ADAMTS19: variants seen among roughly 807,000 people sequenced by gnomAD.
ADAMTS19 encodes A disintegrin and metalloproteinase with thrombospondin motifs 19.
Under a neutral mutation model 153.3 loss-of-function variants are expected in ADAMTS19, and 93 were observed. The ratio of observed to expected loss-of-function variants is 0.61; its 90% confidence interval spans 0.51 to 0.72. The LOEUF (loss-of-function observed/expected upper bound fraction) is 0.72. Among genes scored for constraint, ADAMTS19 ranks in the 30% least tolerant of loss-of-function variants. ADAMTS19 has a pLI of 0.00. For missense variants in ADAMTS19, 1,482 were observed against 1,552.1 expected (o/e 0.95, Z 0.76); for synonymous variants, 600 against 556.6 (o/e 1.08, Z -1.10).
At chr5:129,468,507 C>T (rs919064831) in intron 2 of ADAMTS19, among the ~76,000 whole-genome samples, 2 of 151,978 alleles carry the variant, frequency 1.3e-5, no homozygotes, top group African/African-American at 4.8e-5. Context: ...GCGCGCACCA[C>T]CACGCCCAGC....
Position 129,461,645 on chromosome 5 carries a change from C to A in ADAMTS19, c.635C>A (p.Ala212Glu). 1 of 1,591,946 alleles carries A rather than the reference C, an allele frequency of 6.3e-7. No homozygotes were observed. The highest frequency in any genetic ancestry group is 1.7e-5 in the Admixed American group (1 of 58,936). Residue 212 changes from alanine (A) to glutamate (E), a missense_variant, in exon 2 of 23, where the codon GCA (alanine) becomes GAA (glutamate). By Grantham distance (107) the Ala-to-Glu change is moderately radical (BLOSUM62 -1). Coordinates refer to ENST00000274487, the MANE Select transcript of ADAMTS19 (RefSeq NM_133638.6). The surrounding 1 kb of genome is among the most constrained non-coding windows in gnomAD (Gnocchi z 4.6). ...AATCCCGGCCCCGGCCCCACGGGGG[C>A]AGCATCCGCCCCGCAACCTCCCGCG... ...RPNPGPGPTGAASAPQPPAPP... is the reference protein window; with the variant it reads ...RPNPGPGPTGEASAPQPPAPP...
chr5:129,546,855 A>T (rs1290788406), intron 6 of ADAMTS19, among the ~76,000 whole-genome samples: 1 of 151,066 alleles, frequency 6.6e-6, no homozygotes, highest in South Asian at 2.1e-4. Context: ...TTTAAAAGAA[A>T]CCGTCTAATT....
chr5:129,662,888 A>ATTTTTTTTTTTT (rs3049499), intron 15 of ADAMTS19, among the ~76,000 whole-genome samples: 3 of 92,888 alleles, frequency 3.2e-5, no homozygotes, highest in African/African-American at 9.4e-5. Context: ...ATTCTTCTTC[A>ATTTTTTTTTTTT]TTTTTTTTTT....
intron 2 of ADAMTS19, among the ~76,000 whole-genome samples, chr5:129,491,483 A>C (rs1750770595): frequency 1.3e-5 from 2 of 152,058 alleles, no homozygotes; most frequent in Admixed American, 6.5e-5. Flanking sequence ...CCATCTTTTC[A>C]TGTCATCAGC....
intron 6 of ADAMTS19, among the ~76,000 whole-genome samples, chr5:129,539,133 T>C (rs1050629379): frequency 3.9e-5 from 6 of 152,128 alleles, no homozygotes; most frequent in African/African-American, 7.2e-5. Context: ...TCCCCAAATA[T>C]TCACGTTCTA....
At chr5:129,701,339 A>G in intron 19 of ADAMTS19, 49 bp from the exon 20 acceptor site, 2 of 1,589,402 alleles carry the variant, frequency 1.3e-6, no homozygotes, top group Non-Finnish European at 1.7e-6. Context: ...TAATACAAGT[A>G]GATAGGTATC....
intron 6 of ADAMTS19, among the ~76,000 whole-genome samples, chr5:129,538,776 A>G (rs1371722277): frequency 6.6e-6 from 1 of 152,102 alleles, no homozygotes; most frequent in Non-Finnish European, 1.5e-5. Flanking sequence ...TTATTTTTGT[A>G]TACTTTTCTT....
At chr5:129,600,510 T>C (rs1354382408) in intron 8 of ADAMTS19, among the ~76,000 whole-genome samples, 1 of 152,198 alleles carries the variant, frequency 6.6e-6, no homozygotes, top group Non-Finnish European at 1.5e-5. Context: ...TAAATGAATG[T>C]ATTTATGTTT....
chr5:129,640,994 T>G (rs1320936618), intron 10 of ADAMTS19, among the ~76,000 whole-genome samples: 1 of 152,104 alleles, frequency 6.6e-6, no homozygotes, highest in Non-Finnish European at 1.5e-5. Context: ...TCAGCTAAAT[T>G]TTTAAGTCAC....
chr5:129,590,348 A>G (rs999253300), intron 7 of ADAMTS19, among the ~76,000 whole-genome samples: 1 of 152,138 alleles, frequency 6.6e-6, no homozygotes, highest in Non-Finnish European at 1.5e-5. Flanking sequence ...TATTTTACCT[A>G]TGATTTGTGA....
At chr5:129,605,849 C>T (rs554372019) in intron 8 of ADAMTS19, among the ~76,000 whole-genome samples, 1 of 152,230 alleles carries the variant, frequency 6.6e-6, no homozygotes, top group African/African-American at 2.4e-5. Flanking sequence ...AGACTGTCTA[C>T]TTCCTAGAGA....
chr5:129,460,493 C>T lies in ADAMTS19; in HGVS notation c.91+11C>T, dbSNP rs1327533033. 2.5e-6 allele frequency: 4 copies of T among 1,613,950 alleles called. No individual in the cohort carries two copies. In the African/African-American group the frequency reaches 5.3e-5, roughly 22 times the overall value. On this transcript the variant is annotated intron_variant, in intron 1 of 22. Coordinates refer to ENST00000274487, the MANE Select transcript of ADAMTS19 (RefSeq NM_133638.6). ...ATGGGATCGTTTCAGGTAAGTTCTT[C>T]CGTGACTTTCTCGCTTCCTTTCCAG...
chr5:129,702,036 G>C (rs1208417932), intron 20 of ADAMTS19, among the ~76,000 whole-genome samples: 1 of 152,134 alleles, frequency 6.6e-6, no homozygotes, highest in Admixed American at 6.5e-5. Context: ...GGAAACTTAA[G>C]TTTCATCATT....
intron 21 of ADAMTS19, among the ~76,000 whole-genome samples, chr5:129,714,372 T>C (rs1217313647): frequency 1.4e-5 from 2 of 146,754 alleles, no homozygotes; most frequent in Admixed American, 1.4e-4. Context: ...TGAGCCGAGA[T>C]TGCGCCACTG....
At chr5:129,665,979 G>A (rs1002825536) in intron 16 of ADAMTS19, among the ~76,000 whole-genome samples, 3 of 144,252 alleles carry the variant, frequency 2.1e-5, no homozygotes, top group Admixed American at 6.9e-5. Context: ...ATGAATTTAT[G>A]TATATATATA....
intron 8 of ADAMTS19, among the ~76,000 whole-genome samples, chr5:129,609,873 G>A (rs1227756035): frequency 6.6e-6 from 1 of 152,132 alleles, no homozygotes; most frequent in African/African-American, 2.4e-5. Flanking sequence ...TCCTGGAGTA[G>A]ATCATCTATT....
rs746470647 is a variant in ADAMTS19, at chr5:129,461,618, C to T, written c.608C>T (p.Pro203Leu). The change falls in exon 2 of 23, where the codon CCA (proline) becomes CTA (leucine). Residue 203 changes from proline (P) to leucine (L), a missense_variant. This residue lies in a region of ADAMTS19 where 866 missense variants were observed against 827.7 expected (regional missense o/e 1.05). Transcript: ENST00000274487. The surrounding 1 kb of genome is among the most constrained non-coding windows in gnomAD (Gnocchi z 4.6). Reference protein sequence around the residue: ...LAPRFAVEQRPNPGPGPTGAA... With the variant: ...LAPRFAVEQRLNPGPGPTGAA... The stretch of plus-strand genomic sequence containing the variant: ...CCGCGCTTCGCAGTGGAACAGCGGC[C>T]AAATCCCGGCCCCGGCCCCACGGGG... The T allele has an allele frequency of 1.3e-5, 21 of 1,591,862 alleles. No homozygotes were observed. The highest frequency in any genetic ancestry group is 1.7e-5 in the Non-Finnish European group (20 of 1,176,224).
At chr5:129,532,828 G>A (rs963111416) in intron 6 of ADAMTS19, among the ~76,000 whole-genome samples, 40 of 152,192 alleles carry the variant, frequency 2.6e-4, no homozygotes, top group African/African-American at 8.9e-4. Context: ...GCCAGGTGTG[G>A]TGGCTCACGC....
chr5:129,631,145 T>C (rs1291529772), intron 10 of ADAMTS19, among the ~76,000 whole-genome samples: 1 of 149,694 alleles, frequency 6.7e-6, no homozygotes, highest in African/African-American at 2.5e-5. Context: ...TATAATCACT[T>C]TGGGAAAATT....
Sources: gnomAD v4.1 joint callset for allele counts (sites outside exome capture counted in the v4.1 genomes callset) on GRCh38, gnomAD v4.1.1 for gene constraint, gnomAD v4.1.1 regional missense constraint, Gnocchi (gnomAD v3.1) non-coding constraint, MANE v1.5 for transcripts, NCBI Gene and HGNC (gene_info 2026-07-23, HGNC 2026-07-21) for gene names.